DSCAM: variants seen among roughly 807,000 people sequenced by gnomAD.
DSCAM encodes DS cell adhesion molecule.
Under a neutral mutation model 217.7 loss-of-function variants are expected in DSCAM, and 47 were observed. The ratio of observed to expected loss-of-function variants is 0.22; its 90% CI spans 0.17 to 0.28. DSCAM has a LOEUF of 0.28. Among genes scored for constraint, DSCAM ranks in the 10% least tolerant of loss-of-function variants. DSCAM has a pLI of 1.00. For missense variants in DSCAM, 2,080 were observed against 2,618.3 expected (o/e 0.79, Z 4.49); for synonymous variants, 1,056 against 1,015.3 (o/e 1.04, Z -0.76).
intron 20 of DSCAM, among the ~76,000 whole-genome samples, chr21:40,097,963 AAAGAAAGAAAGAAAGAAAG>A (rs570446056): frequency 2.3e-5 from 1 of 44,436 alleles, no homozygotes; most frequent in African/African-American, 1.4e-4. Flanking sequence ...AAAAAGAAAG[AAAGAAAGAAAGAAAGAAAG>A]AAAGAAAGAA....
intron 16 of DSCAM, among the ~76,000 whole-genome samples, chr21:40,151,046 C>T (rs1044054226): frequency 1.3e-5 from 2 of 152,038 alleles, no homozygotes; most frequent in African/African-American, 4.8e-5. Flanking sequence ...TTTGACCATG[C>T]CTCTTTGATC....
At chr21:40,690,497 T>C (rs753292889) in intron 3 of DSCAM, among the ~76,000 whole-genome samples, 60 of 152,356 alleles carry the variant, frequency 3.9e-4, no homozygotes, top group Non-Finnish European at 6.6e-4. Context: ...ATTTATTTTC[T>C]AGATGCTGTT....
chr21:40,128,149 C>A (rs2090116032), intron 19 of DSCAM, among the ~76,000 whole-genome samples: 2 of 150,822 alleles, frequency 1.3e-5, no homozygotes, highest in Admixed American at 1.3e-4. Flanking sequence ...CAACGTCTGT[C>A]TCCCCCACTA....
intron 20 of DSCAM, among the ~76,000 whole-genome samples, chr21:40,110,544 C>G (rs2089883976): frequency 6.6e-6 from 1 of 152,114 alleles, no homozygotes; most frequent in African/African-American, 2.4e-5. Context: ...TCCTCACCAG[C>G]AACAGAACAA....
chr21:40,300,246 T>C (rs2837564), intron 9 of DSCAM, among the ~76,000 whole-genome samples: 24,854 of 152,114 alleles, frequency 0.16, 3,565 homozygotes, highest in African/African-American at 0.37. Context: ...CTAATTCAAG[T>C]TTCCAAAATG....
intron 1 of DSCAM, among the ~76,000 whole-genome samples, chr21:40,739,931 C>T (rs1233488465): frequency 6.9e-6 from 1 of 145,178 alleles, no homozygotes; most frequent in Non-Finnish European, 1.5e-5. Context: ...TGGGAAAGGC[C>T]ACCTCTAGAT....
intron 3 of DSCAM, among the ~76,000 whole-genome samples, chr21:40,481,148 T>C (rs2145987295): frequency 6.6e-6 from 1 of 152,222 alleles, no homozygotes; most frequent in Middle Eastern, 3.4e-3. Flanking sequence ...AAATTCATTT[T>C]TCCCCCAACA....
At chr21:40,031,482 A>AAC (rs1336990499) in intron 32 of DSCAM, among the ~76,000 whole-genome samples, 1 of 152,190 alleles carries the variant, frequency 6.6e-6, no homozygotes, top group Non-Finnish European at 1.5e-5. Context: ...ATCTTAAATT[A>AAC]ACACTCCTCA....
intron 3 of DSCAM, among the ~76,000 whole-genome samples, chr21:40,436,407 C>T (rs2075582971): frequency 6.6e-6 from 1 of 152,198 alleles, no homozygotes; most frequent in African/African-American, 2.4e-5. Context: ...TAGAACTTCT[C>T]AAAACAAGGC....
intron 3 of DSCAM, among the ~76,000 whole-genome samples, chr21:40,449,583 T>C (rs1046085066): frequency 2.6e-5 from 4 of 152,230 alleles, no homozygotes; most frequent in African/African-American, 9.6e-5. Flanking sequence ...TGATGTATTG[T>C]CTAATGCTAT....
chr21:40,710,045 G>A (rs1380499138), intron 1 of DSCAM, among the ~76,000 whole-genome samples: 1 of 152,168 alleles, frequency 6.6e-6, no homozygotes, highest in Non-Finnish European at 1.5e-5. Flanking sequence ...ACTGGCATGA[G>A]ATGGTATCTC....
intron 27 of DSCAM, among the ~76,000 whole-genome samples, chr21:40,070,453 A>G (rs2089279037): frequency 2.6e-5 from 4 of 152,198 alleles, no homozygotes; most frequent in African/African-American, 7.2e-5. Flanking sequence ...GAAAGAAAGA[A>G]AGAAAACACA....
intron 16 of DSCAM, among the ~76,000 whole-genome samples, chr21:40,145,574 G>A (rs2090345170): frequency 6.6e-6 from 1 of 152,156 alleles, no homozygotes; most frequent in African/African-American, 2.4e-5. Flanking sequence ...GCTGGGCGCG[G>A]TGGCTCACAC....
At chr21:40,089,928 C>T (rs1443313311) in intron 21 of DSCAM, among the ~76,000 whole-genome samples, 1 of 152,188 alleles carries the variant, frequency 6.6e-6, no homozygotes, top group Non-Finnish European at 1.5e-5. Context: ...TTAGGATCAT[C>T]AACCTCAATT....
chr21:40,666,504 C>T (rs1477703765), intron 3 of DSCAM, among the ~76,000 whole-genome samples: 2 of 152,166 alleles, frequency 1.3e-5, no homozygotes, highest in East Asian at 3.9e-4. Flanking sequence ...TGACCTGAGC[C>T]CACTCTGTTC....
intron 3 of DSCAM, among the ~76,000 whole-genome samples, chr21:40,486,369 C>A (rs773942527): frequency 6.6e-6 from 1 of 152,128 alleles, no homozygotes; most frequent in African/African-American, 2.4e-5. Flanking sequence ...TCCATCCTAG[C>A]CACCAACCAT....
chr21:40,320,871 G>A (rs1465984334), intron 8 of DSCAM, among the ~76,000 whole-genome samples: 1 of 152,158 alleles, frequency 6.6e-6, no homozygotes. Context: ...AGATTTGGGT[G>A]GAGACACAGC....
chr21:40,664,813 C>T (rs1601832733), intron 3 of DSCAM, among the ~76,000 whole-genome samples: 2 of 152,250 alleles, frequency 1.3e-5, no homozygotes, highest in South Asian at 4.1e-4. Context: ...ATGTTTGTCC[C>T]CTCCAAATCT....
At chr21:40,462,743 G>C (rs1444978916) in intron 3 of DSCAM, among the ~76,000 whole-genome samples, 2 of 152,114 alleles carry the variant, frequency 1.3e-5, no homozygotes, top group Non-Finnish European at 2.9e-5. Context: ...TTTACAGCCT[G>C]AGTGTCAGGA....
Sources: allele counts gnomAD v4.1 joint callset (sites outside exome capture counted in the v4.1 genomes callset), GRCh38; gene constraint gnomAD v4.1.1; transcripts MANE v1.5; gene names NCBI Gene and HGNC (gene_info 2026-07-23, HGNC 2026-07-21).